The following LRP1B variants were observed in gnomAD, a reference collection of about 807,000 sequenced individuals.
The protein encoded by LRP1B is LDL receptor related protein 1B.
A neutral mutation model predicts 556.6 loss-of-function variants in LRP1B; 217 were observed. The ratio of observed to expected loss-of-function variants is 0.39; its 90% CI spans 0.35 to 0.44. The LOEUF (loss-of-function observed/expected upper bound fraction) is 0.44. LRP1B is among the 20% of genes least tolerant of loss of function. LRP1B has a pLI of 1.00. For synonymous variants in LRP1B, 2,047 were observed against 1,865.8 expected (o/e 1.10, Z -2.50); for missense variants, 5,053 against 5,620.8 (o/e 0.90, Z 3.23).
At chr2:140,748,591 G>GTGTA (rs1361412390) in intron 35 of LRP1B, among the ~76,000 whole-genome samples, 1,070 of 73,238 alleles carry the variant, frequency 0.015, 25 homozygotes, top group Middle Eastern at 0.034. Flanking sequence ...TATACAGTGT[G>GTGTA]TATATATATA....
chr2:142,057,610 C>T (rs986015585), intron 1 of LRP1B, among the ~76,000 whole-genome samples: 10 of 152,166 alleles, frequency 6.6e-5, no homozygotes, highest in South Asian at 2.1e-4. Flanking sequence ...ACCCCTAGTA[C>T]GCTCACACAC....
intron 3 of LRP1B, among the ~76,000 whole-genome samples, chr2:141,405,354 C>A (rs1255114036): frequency 6.6e-6 from 1 of 151,980 alleles, no homozygotes; most frequent in Admixed American, 6.6e-5. Flanking sequence ...AGATATTAAT[C>A]AGATATTAAG....
intron 1 of LRP1B, among the ~76,000 whole-genome samples, chr2:142,008,011 A>G (rs893809493): frequency 2.0e-5 from 3 of 152,134 alleles, no homozygotes; most frequent in Non-Finnish European, 4.4e-5. Flanking sequence ...TCAATAGATC[A>G]TTTTCCTTTA....
chr2:140,324,577 A>G (rs1249346981), intron 80 of LRP1B, among the ~76,000 whole-genome samples: 1 of 152,110 alleles, frequency 6.6e-6, no homozygotes, highest in African/African-American at 2.4e-5. Context: ...GGAATAAAGA[A>G]AACAGTTAAA....
At chr2:141,544,408 CCTCCTT>C (rs1443712119) in intron 2 of LRP1B, among the ~76,000 whole-genome samples, 4,139 of 81,428 alleles carry the variant, frequency 0.051, 409 homozygotes, top group South Asian at 0.077. Flanking sequence ...TCCTCCTCCT[CCTCCTT>C]CTCCTCCTTC....
chr2:140,521,380 G>C (rs1690166299), intron 49 of LRP1B, among the ~76,000 whole-genome samples: 1 of 152,060 alleles, frequency 6.6e-6, no homozygotes, highest in Non-Finnish European at 1.5e-5. Context: ...ATCTAGAAGA[G>C]ATTGGGGACC....
At chr2:141,969,347 A>T (rs1282601290) in intron 1 of LRP1B, among the ~76,000 whole-genome samples, 1 of 151,576 alleles carries the variant, frequency 6.6e-6, no homozygotes, top group Admixed American at 6.6e-5. Context: ...AAAAAATACA[A>T]AACTCATTTC....
At chr2:141,228,481 G>T (rs1184261503) in intron 6 of LRP1B, among the ~76,000 whole-genome samples, 1 of 147,860 alleles carries the variant, frequency 6.8e-6, no homozygotes, top group Non-Finnish European at 1.5e-5. Flanking sequence ...TGCATCTCTG[G>T]GTGTGTGTGT....
chr2:140,640,615 C>T (rs1684259832), intron 41 of LRP1B, among the ~76,000 whole-genome samples: 1 of 145,256 alleles, frequency 6.9e-6, no homozygotes, highest in South Asian at 2.2e-4. Context: ...GATCTCCTGA[C>T]CTCGTGATCC....
At chr2:141,073,403 T>C (rs935886641) in intron 7 of LRP1B, among the ~76,000 whole-genome samples, 2 of 152,058 alleles carry the variant, frequency 1.3e-5, no homozygotes, top group Non-Finnish European at 2.9e-5. Flanking sequence ...ACCTGGCTTG[T>C]TTTTCCTCAG....
At chr2:141,790,275 A>G (rs1453894466) in intron 2 of LRP1B, among the ~76,000 whole-genome samples, 10 of 151,876 alleles carry the variant, frequency 6.6e-5, no homozygotes, top group Non-Finnish European at 2.9e-5. Flanking sequence ...ATGGATAGAA[A>G]TAACCCTACA....
intron 12 of LRP1B, among the ~76,000 whole-genome samples, chr2:141,019,141 G>T (rs146764930): frequency 1.3e-5 from 2 of 152,056 alleles, no homozygotes; most frequent in East Asian, 3.9e-4. Context: ...ATTTCTATAA[G>T]TACAGTTTTG....
chr2:141,210,673 CA>C (rs1392943232), intron 6 of LRP1B, among the ~76,000 whole-genome samples: 5 of 152,046 alleles, frequency 3.3e-5, no homozygotes, highest in Non-Finnish European at 5.9e-5. Flanking sequence ...ATTAATGAAA[CA>C]AGCAAACATA....
chr2:141,834,862 C>G (rs2105751026), intron 1 of LRP1B, among the ~76,000 whole-genome samples: 1 of 151,760 alleles, frequency 6.6e-6, no homozygotes, highest in Middle Eastern at 3.4e-3. Flanking sequence ...CATAATCAAG[C>G]AAAAAAGTGC....
chr2:141,251,201 C>T (rs972487106), intron 4 of LRP1B, among the ~76,000 whole-genome samples: 1 of 152,068 alleles, frequency 6.6e-6, no homozygotes, highest in Non-Finnish European at 1.5e-5. Context: ...CTCTGAAAAA[C>T]TGCAGATATG....
At chr2:141,276,719 A>G (rs543044752) in intron 3 of LRP1B, among the ~76,000 whole-genome samples, 1 of 147,684 alleles carries the variant, frequency 6.8e-6, no homozygotes, top group Non-Finnish European at 1.5e-5. Flanking sequence ...TGCAGTGGCA[A>G]GATCTTGGCT....
In LRP1B at chr2:141,480,440, ACAC is replaced by A. The variant is rs1207697418; in HGVS notation, c.296_298del (p.Gly99del). The A allele has an allele frequency of 6.2e-7, 1 of 1,613,880 alleles. No individual in the cohort carries two copies. Among genetic ancestry groups the A allele is most frequent in the Non-Finnish European group, 8.5e-7 (1 of 1,179,918 alleles). On this transcript the variant is annotated inframe_deletion, in exon 3 of 91. Coordinates refer to ENST00000389484, the MANE Select transcript of LRP1B (RefSeq NM_018557.3). ...GTCATACCCATCTGGGCAGTCCAAG[ACAC>A]CATTGCACAGCTGGGATAAATGAAC...
chr2:141,041,385 T>C (rs1321980266), intron 11 of LRP1B, among the ~76,000 whole-genome samples: 1 of 152,132 alleles, frequency 6.6e-6, no homozygotes, highest in East Asian at 1.9e-4. Flanking sequence ...CAAGCAGAGC[T>C]GATCCCTTCT....
At chr2:141,061,693 A>T (rs17589071) in intron 8 of LRP1B, among the ~76,000 whole-genome samples, 6,276 of 151,938 alleles carry the variant, frequency 0.041, 138 homozygotes, top group South Asian at 0.074. Flanking sequence ...ATGATAGTCC[A>T]GCTCCTCATG....
Sources: gnomAD v4.1 joint callset for allele counts (sites outside exome capture counted in the v4.1 genomes callset) on GRCh38, gnomAD v4.1.1 for gene constraint, MANE v1.5 for transcripts, NCBI Gene and HGNC (gene_info 2026-07-23, HGNC 2026-07-21) for gene names.